Variants in UNC79 observed in about 807,000 individuals in gnomAD.
The protein encoded by UNC79 is protein unc-79 homolog.
UNC79 carries 37 observed loss-of-function variants against 283.1 expected under a neutral mutation model. The ratio of observed to expected loss-of-function variants is 0.13; its 90% CI spans 0.10 to 0.17. The LOEUF (loss-of-function observed/expected upper bound fraction) is 0.17, where lower values mean the gene tolerates loss of function less well. Ranked by LOEUF, UNC79 falls within the 10% of genes least tolerant of loss-of-function variation. The pLI is 1.00. For synonymous variants in UNC79, 1,107 were observed against 1,200.2 expected (o/e 0.92, Z 1.61); for missense variants, 2,272 against 3,211.1 (o/e 0.71, Z 7.07).
chr14:93,381,741 G>A (rs550982190), intron 1 of UNC79, among the ~76,000 whole-genome samples: 3 of 152,220 alleles, frequency 2.0e-5, no homozygotes, highest in Non-Finnish European at 4.4e-5. Flanking sequence ...TGTGTCACGG[G>A]AACTGCTGGT....
intron 1 of UNC79, among the ~76,000 whole-genome samples, chr14:93,462,486 C>T: frequency 6.6e-6 from 1 of 152,092 alleles, no homozygotes; most frequent in East Asian, 1.9e-4. Flanking sequence ...CTGTATGAAG[C>T]AGTTTATAAT....
At chr14:93,669,376 T>C (rs1453818227) in intron 40 of UNC79, among the ~76,000 whole-genome samples, 1 of 152,184 alleles carries the variant, frequency 6.6e-6, no homozygotes, top group Non-Finnish European at 1.5e-5. Context: ...TGGCCATTTT[T>C]ACCCAGGGAG....
At chr14:93,583,803 CTT>C (rs386382193) in intron 20 of UNC79, among the ~76,000 whole-genome samples, 64 of 127,102 alleles carry the variant, frequency 5.0e-4, no homozygotes, top group Admixed American at 7.2e-4. Context: ...TGTTGGAGGT[CTT>C]TTTTTTTTTT....
intron 26 of UNC79, chr14:93,604,942 G>A: frequency 6.3e-7 from 1 of 1,579,054 alleles, no homozygotes. Flanking sequence ...CTCTCGGTGG[G>A]ACACCCGAAC....
exon 37 of UNC79, chr14:93,653,981 T>G: frequency 6.2e-7 from 1 of 1,614,122 alleles, no homozygotes; most frequent in Non-Finnish European, 8.5e-7. Flanking sequence ...TCTGATGGAC[T>G]TCAATGAGCT....
intron 27 of UNC79, among the ~76,000 whole-genome samples, chr14:93,616,144 G>A (rs2066705574): frequency 6.6e-6 from 1 of 151,954 alleles, no homozygotes; most frequent in South Asian, 2.1e-4. Context: ...ATCATATTCT[G>A]TATAGTGGCT....
chr14:93,552,436 T>C (rs1194830724), intron 14 of UNC79, among the ~76,000 whole-genome samples: 1 of 152,184 alleles, frequency 6.6e-6, no homozygotes, highest in African/African-American at 2.4e-5. Context: ...AGCAATTTCA[T>C]TAAGTCAGAA....
intron 14 of UNC79, among the ~76,000 whole-genome samples, chr14:93,564,419 G>A (rs1023344168): frequency 6.6e-6 from 1 of 152,192 alleles, no homozygotes; most frequent in Non-Finnish European, 1.5e-5. Context: ...GAGAGCACGT[G>A]TGTTACCTAT....
intron 34 of UNC79, among the ~76,000 whole-genome samples, chr14:93,643,905 A>G (rs781319805): frequency 1.4e-4 from 21 of 152,212 alleles, no homozygotes; most frequent in Non-Finnish European, 4.4e-5. Flanking sequence ...TCACAATGTC[A>G]GAGCAAAGCT....
In UNC79 at chr14:93,481,642, G is replaced by A. The variant is rs141853867; in HGVS notation, c.619+3914G>A. ...ATAAAGGTTCATTTAAATCTTAAGG[G>A]CATTATCTTAAAGGCAATTGCGTGA... is the stretch of plus-strand genomic sequence containing the variant. On this transcript the variant is annotated intron_variant, in intron 4 of 48. Transcript: ENST00000555664. 1.1e-3 allele frequency among the ~76,000 whole-genome samples: 167 copies of A among 152,078 alleles called. 1 individual carries two copies. The highest frequency in any genetic ancestry group is 2.0e-3 in the Non-Finnish European group (137 of 67,990).
chr14:93,352,306 C>T (rs1451026424), intron 1 of UNC79, among the ~76,000 whole-genome samples: 4 of 152,120 alleles, frequency 2.6e-5, no homozygotes, highest in East Asian at 1.9e-4. Context: ...CTAACTTTGG[C>T]GGCTTTGTAT....
rs114879889 is a variant in UNC79 at position 93,534,594 on chromosome 14, T to A, written c.1122+2016T>A. ...TATAGCTGAGAGCCTCAATTAGACA[T>A]CGCCTTATAACTTTCTGAAGCCTTA... On this transcript the variant is annotated intron_variant, in intron 11 of 48. Coordinates refer to ENST00000555664, the Ensembl canonical transcript of UNC79. 9.7e-3 allele frequency among the ~76,000 whole-genome samples: 1,484 copies of A among 152,312 alleles called. 23 individuals are homozygous for A. The highest frequency in any genetic ancestry group is 0.034 in the African/African-American group (1,419 of 41,554).
In UNC79 at chr14:93,353,346, G is replaced by C. The variant is rs560511075; in HGVS notation, c.-351+19823G>C. Among the ~76,000 whole-genome samples the C allele has an allele frequency of 1.1e-3, 161 of 152,172 alleles. 1 individual carries two copies. The highest frequency in any genetic ancestry group is 3.7e-3 in the African/African-American group (152 of 41,518). Reference sequence around the variant, plus strand: ...GACTTCCCAAAGCTTTGGATTATAGGCATGAGCCACTGTGCCCAGCATATT... The same window carrying C: ...GACTTCCCAAAGCTTTGGATTATAGCCATGAGCCACTGTGCCCAGCATATT... On this transcript the variant is annotated intron_variant, in intron 1 of 49. Transcript: ENST00000256339.
At chr14:93,592,722 A>G (rs1218603474) in intron 22 of UNC79, among the ~76,000 whole-genome samples, 6 of 152,348 alleles carry the variant, frequency 3.9e-5, no homozygotes, top group Admixed American at 1.3e-4. Flanking sequence ...ACCAAAAGGC[A>G]TACTTTAAAT....
At chr14:93,614,353 T>C (rs2066534569) in intron 27 of UNC79, among the ~76,000 whole-genome samples, 1 of 151,852 alleles carries the variant, frequency 6.6e-6, no homozygotes, top group Non-Finnish European at 1.5e-5. Context: ...AGTCTCGCTG[T>C]GTGGCCAGGC....
At chr14:93,374,598 G>T (rs577130137) in intron 1 of UNC79, among the ~76,000 whole-genome samples, 18 of 152,204 alleles carry the variant, frequency 1.2e-4, no homozygotes, top group African/African-American at 4.1e-4. Flanking sequence ...GCGTACAATG[G>T]CATGATCATG....
At chr14:93,378,538 A>G (rs1291134914) in intron 1 of UNC79, among the ~76,000 whole-genome samples, 1 of 152,002 alleles carries the variant, frequency 6.6e-6, no homozygotes, top group Non-Finnish European at 1.5e-5. Context: ...TATCTTGGAG[A>G]TAGGATCTAA....
At chr14:93,395,703 T>TCTTAGTACTTTGTACTAAGTACTAAGTA (rs1476075716) in intron 1 of UNC79, among the ~76,000 whole-genome samples, 10 of 152,200 alleles carry the variant, frequency 6.6e-5, no homozygotes, top group African/African-American at 2.2e-4. Flanking sequence ...GTTTTTTTCC[T>TCTTAGTACTTTGTACTAAGTACTAAGTA]CTTAGTACTT....
In UNC79 at chr14:93,534,687, G is replaced by C. The variant is rs191083600; in HGVS notation, c.1122+2109G>C. On this transcript the variant is annotated intron_variant, in intron 11 of 48. Coordinates refer to ENST00000555664, the Ensembl canonical transcript of UNC79. ...TTTATCCTGAGGCCATTCTTACTTTGAGAATCGTTTCTAAGCTTGTGGGAC... is the reference window on the plus strand; with the variant it reads ...TTTATCCTGAGGCCATTCTTACTTTCAGAATCGTTTCTAAGCTTGTGGGAC... Among the ~76,000 whole-genome samples, 293 of 152,234 alleles carry C rather than the reference G, an allele frequency of 1.9e-3. 2 individuals carry two copies. Among genetic ancestry groups the C allele is most frequent in the African/African-American group, 6.7e-3 (279 of 41,538 alleles).
Sources: allele counts gnomAD v4.1 joint callset (sites outside exome capture counted in the v4.1 genomes callset), GRCh38; gene constraint gnomAD v4.1.1; transcripts MANE v1.5; gene names NCBI Gene and HGNC (gene_info 2026-07-23, HGNC 2026-07-21).